The following BPTF variants were observed in gnomAD, a reference collection of about 807,000 sequenced individuals.
The protein encoded by BPTF is bromodomain PHD finger transcription factor, also known as nucleosome-remodeling factor subunit BPTF.
In BPTF, 18 loss-of-function variants were observed where a neutral mutation model predicts 292.5. The ratio of observed to expected loss-of-function variants is 0.06; its 90% CI spans 0.04 to 0.09. The LOEUF is 0.09. Ranked by LOEUF, BPTF falls within the 10% of genes least tolerant of loss-of-function variation. BPTF has a pLI of 1.00. For synonymous variants in BPTF, 1,225 were observed against 1,251.9 expected, an observed-to-expected ratio of 0.98 and a Z score of 0.45; for missense variants, 2,726 against 3,498.7, an observed-to-expected ratio of 0.78 and a Z score of 5.57.
chr17:67,907,773 C>T (rs1157373538), intron 9 of BPTF, among the ~76,000 whole-genome samples: 2 of 152,130 alleles, frequency 1.3e-5, no homozygotes, highest in Non-Finnish European at 2.9e-5. Flanking sequence ...TCTACGTAGA[C>T]ATTTTTCCAT....
chr17:67,851,596 GTT>G (rs2058411557), intron 1 of BPTF, among the ~76,000 whole-genome samples: 1 of 152,206 alleles, frequency 6.6e-6, no homozygotes, highest in Admixed American at 6.5e-5. Context: ...TGAGAATAGT[GTT>G]TTATAGAGCT....
chr17:67,844,461 A>T (rs1379501188), intron 1 of BPTF, among the ~76,000 whole-genome samples: 4 of 150,888 alleles, frequency 2.7e-5, no homozygotes, highest in Admixed American at 1.3e-4. Context: ...GTTAGCCAGT[A>T]TGGTCTCGAT....
intron 26 of BPTF, chr17:67,974,504 T>TCTA (rs1243086073): frequency 1.3e-5 from 2 of 152,194 alleles, no homozygotes; most frequent in African/African-American, 2.4e-5. Flanking sequence ...ACAGGTTGGG[T>TCTA]ACTCAGTCCC....
intron 4 of BPTF, among the ~76,000 whole-genome samples, chr17:67,887,750 G>A (rs758544969): frequency 1.0e-3 from 156 of 152,174 alleles, no homozygotes; most frequent in Non-Finnish European, 1.9e-3. Context: ...CAAACTCTTT[G>A]TTTTCCTCTC....
At chr17:67,944,027 G>A in intron 19 of BPTF, 123 bp from the exon 20 acceptor site, 1 of 767,556 alleles carries the variant, frequency 1.3e-6, no homozygotes, top group Non-Finnish European at 2.1e-6. Flanking sequence ...TCCTGCTGGT[G>A]ACATTCAAAT....
intron 19 of BPTF, among the ~76,000 whole-genome samples, chr17:67,942,881 T>C (rs77221641): frequency 0.017 from 2,616 of 152,296 alleles, 64 homozygotes; most frequent in African/African-American, 0.055. Flanking sequence ...ATACATGTTA[T>C]AATTTCATTT....
intron 26 of BPTF, among the ~76,000 whole-genome samples, chr17:67,973,775 A>G (rs1555692333): frequency 3.9e-5 from 6 of 151,978 alleles, no homozygotes. Flanking sequence ...CCAAACTGCT[A>G]GGATTACAGA....
At chr17:67,850,445 T>G (rs1332883723) in intron 1 of BPTF, among the ~76,000 whole-genome samples, 3 of 152,174 alleles carry the variant, frequency 2.0e-5, no homozygotes, top group African/African-American at 7.2e-5. Flanking sequence ...CTCGGCTCAC[T>G]GCAACCTCCG....
intron 10 of BPTF, 24 bp downstream of exon 10, chr17:67,909,785 G>T (rs558511777): frequency 6.6e-7 from 1 of 1,512,394 alleles, no homozygotes; most frequent in South Asian, 1.4e-5. Flanking sequence ...GCTGTGGAGG[G>T]CAGCCTGGGG....
chr17:67,945,933 A>T lies in BPTF; in HGVS notation c.7225A>T (p.Thr2409Ser), dbSNP rs1555674860. The T allele has an allele frequency of 1.2e-6, 2 of 1,614,070 alleles. No individual in the cohort carries two copies. Among genetic ancestry groups the T allele is most frequent in the South Asian group, 1.1e-5 (1 of 91,070 alleles). ...SSTQTLSSGQ[T>S]LNQVTVSSPS... The stretch of plus-strand genomic sequence containing the variant: ...AACTCAAACTCTTTCATCAGGACAA[A>T]CTTTAAATCAAGTTACTGTTTCATC... The change falls in exon 21 of 28, where the codon ACT becomes TCT. Residue 2409 changes from threonine to serine, a missense_variant. Physicochemically the swap from Thr to Ser is moderately conservative, Grantham distance 58 (BLOSUM62 1). This residue lies in a region of BPTF where 570 missense variants were observed against 633.5 expected (regional missense o/e 0.90). Coordinates refer to ENST00000306378, the MANE Select transcript of BPTF (RefSeq NM_182641.4).
intron 7 of BPTF, among the ~76,000 whole-genome samples, chr17:67,902,940 T>C (rs1158738076): frequency 6.6e-6 from 1 of 152,234 alleles, no homozygotes; most frequent in Non-Finnish European, 1.5e-5. Context: ...TTGCTTCGTG[T>C]CTCTCTGAGA....
chr17:67,937,908 A>G (rs536772247), intron 18 of BPTF, among the ~76,000 whole-genome samples: 13 of 152,354 alleles, frequency 8.5e-5, no homozygotes, highest in African/African-American at 2.9e-4. Flanking sequence ...TGTGGTCAGG[A>G]GTTCAAGACC....
chr17:67,862,243 T>G (rs1403351872), intron 2 of BPTF, among the ~76,000 whole-genome samples: 1 of 152,246 alleles, frequency 6.6e-6, no homozygotes, highest in Non-Finnish European at 1.5e-5. Context: ...CCGAAAGTGC[T>G]GGGATTACAG....
chr17:67,831,149 G>A (rs568662585), intron 1 of BPTF, among the ~76,000 whole-genome samples: 28 of 152,294 alleles, frequency 1.8e-4, no homozygotes, highest in Admixed American at 1.6e-3. Context: ...TGACAAGGAC[G>A]AGATAGCTGG....
At position 67,929,468 on chromosome 17, in the gene BPTF, G is replaced by A; in HGVS notation, c.6131G>A (p.Gly2044Glu). 1 of 1,614,020 alleles carries A rather than the reference G, an allele frequency of 6.2e-7. No individual in the cohort carries two copies. Among genetic ancestry groups the A allele is most frequent in the Non-Finnish European group, 8.5e-7 (1 of 1,179,990 alleles). ...AGGCCCAATACCTCAGGCTCTGGAG[G>A]AACCACAAGCAATTCACAAGTAAGA... ...TIRPNTSGSG[G>E]TTSNSQVITG... The change falls in exon 17 of 28, where the codon GGA becomes GAA. Residue 2044 changes from glycine (G) to glutamate (E), a missense_variant. Physicochemically the swap from Gly to Glu is moderately conservative, Grantham distance 98. Around this residue, in one of 22 missense-constraint regions of BPTF, gnomAD observed 570 missense variants for 633.5 expected, o/e 0.90. Transcript: ENST00000306378.
chr17:67,965,902 TAAA>T (rs201802525), intron 25 of BPTF: 6 of 149,692 alleles, frequency 4.0e-5, no homozygotes, highest in Non-Finnish European at 7.4e-5. Context: ...TACAAAACAT[TAAA>T]AAAAAATGAG....
At position 67,983,654 on chromosome 17, in the gene BPTF, A is replaced by T. The variant is rs1213500496; in HGVS notation, c.*1366A>T. On this transcript the variant is annotated 3_prime_UTR_variant, in exon 28 of 28. Transcript: ENST00000306378. ...GTGTTCTTACACGTTGTATCACTGC[A>T]TTGTGGTAATAGCTTCTATAAAATC... 6.6e-6 allele frequency: 1 copy of T among 152,242 alleles called. No homozygotes were observed. The highest frequency in any genetic ancestry group is 2.4e-5 in the African/African-American group (1 of 41,060). 9.4% of individuals were successfully genotyped at this position (152,242 alleles called of 1,614,324 possible). A position where few individuals can be genotyped will look rare whatever the true frequency, so the allele number is the denominator to read the frequency against.
intron 11 of BPTF, among the ~76,000 whole-genome samples, chr17:67,916,096 C>G (rs1000466910): frequency 2.6e-5 from 4 of 152,182 alleles, no homozygotes; most frequent in Admixed American, 6.5e-5. Flanking sequence ...CACTTTCCCC[C>G]TCTTGGGACA....
chr17:67,975,549 CCTTA>C, intron 26 of BPTF: 1 of 453,962 alleles, frequency 2.2e-6, no homozygotes, highest in South Asian at 3.4e-5. Flanking sequence ...AGTAAAAGAA[CCTTA>C]ACAGCAACCC....
Sources: allele counts gnomAD v4.1 joint callset (sites outside exome capture counted in the v4.1 genomes callset), GRCh38; gene constraint gnomAD v4.1.1; regional missense constraint gnomAD v4.1.1; transcripts MANE v1.5; gene names NCBI Gene and HGNC (gene_info 2026-07-23, HGNC 2026-07-21).